The following KIF27 variants were observed in gnomAD, a reference collection of about 807,000 sequenced individuals.
The protein encoded by KIF27 is kinesin-like protein KIF27.
Under a neutral mutation model 141.8 loss-of-function variants are expected in KIF27, and 84 were observed. The ratio of observed to expected loss-of-function variants is 0.59; its 90% CI spans 0.50 to 0.71. The LOEUF is 0.71. Ranked by LOEUF, KIF27 falls within the 30% of genes least tolerant of loss-of-function variation. The probability of loss-of-function intolerance (pLI) is 0.00; values close to 1 mark genes in which losing one functional copy is unlikely to be tolerated. For missense variants in KIF27, 1,306 were observed against 1,628.4 expected (o/e 0.80, Z 3.41); for synonymous variants, 471 against 569.5 (o/e 0.83, Z 2.46).
chr9:83,903,277 C>A lies in KIF27; in HGVS notation c.1241G>T (p.Cys414Phe). 2.5e-6 allele frequency: 4 copies of A among 1,614,212 alleles called. No homozygotes were observed. Among genetic ancestry groups the A allele is most frequent in the Non-Finnish European group, 2.5e-6 (3 of 1,180,036 alleles). Residue 414 changes from cysteine (C) to phenylalanine (F), a missense_variant, in exon 4 of 18, where the codon TGT (cysteine) becomes TTT (phenylalanine). This residue lies in a region of KIF27 where 533 missense variants were observed against 565.6 expected (regional missense o/e 0.94). Coordinates refer to ENST00000297814, the MANE Select transcript of KIF27 (RefSeq NM_017576.4). Reference protein sequence around the residue: ...LQGECLGYQCCVEEAFTFLVD... With the variant: ...LQGECLGYQCFVEEAFTFLVD... ...CAGGAAGGTAAAGGCTTCTTCTACA[C>A]AACACTGGTAACCCAGACATTCTCC... is the stretch of plus-strand genomic sequence containing the variant.
At chr9:83,868,945 A>AT (rs1281225036) in intron 12 of KIF27, among the ~76,000 whole-genome samples, 1 of 152,126 alleles carries the variant, frequency 6.6e-6, no homozygotes, top group African/African-American at 2.4e-5. Flanking sequence ...AACTATAAAA[A>AT]TGTTAATTTT....
rs183923453 is a variant in KIF27 at position 83,860,325 on chromosome 9, G to A, written c.2935-954C>T. On this transcript the variant is annotated intron_variant, in intron 13 of 17. Coordinates refer to ENST00000297814, the MANE Select transcript of KIF27 (RefSeq NM_017576.4). ...ACGGCCACCTTCAACCTTTTCAGTT[G>A]GTTCTTCTGGTGTTTATGTCCATGT... 7.2e-5 allele frequency among the ~76,000 whole-genome samples: 11 copies of A among 152,158 alleles called. No individual in the cohort carries two copies. The East Asian group carries it at 2.1e-3, about 29-fold the overall frequency.
rs529481603 is a variant in KIF27 at position 83,853,712 on chromosome 9, G to A, written c.3274C>T (p.Arg1092Cys). Residue 1092 changes from arginine to cysteine, a missense_variant, in exon 15 of 18, where the codon CGT becomes TGT. Physicochemically the swap from Arg to Cys is radical, Grantham distance 180. This residue lies in a region of KIF27 where 596 missense variants were observed against 751.6 expected (regional missense o/e 0.79). Transcript: ENST00000297814. ...TTTTCCAAGACATTTGCTTCACCAC[G>A]AGAGAGGTTATGGAATGATGCTCTA... Reference protein sequence around the residue: ...SLRASFHNLSRGEANVLEKLA... With the variant: ...SLRASFHNLSCGEANVLEKLA... 95 of 1,613,758 alleles carry A rather than the reference G, an allele frequency of 5.9e-5. No individual in the cohort carries two copies. Among genetic ancestry groups the A allele is most frequent in the Non-Finnish European group, 6.8e-5 (80 of 1,179,714 alleles).
intron 4 of KIF27, among the ~76,000 whole-genome samples, chr9:83,901,361 T>C (rs542587114): frequency 3.9e-5 from 6 of 152,314 alleles, no homozygotes; most frequent in African/African-American, 1.4e-4. Context: ...TTTGGTATAA[T>C]AGGAAAGAAG....
chr9:83,904,578 C>T (rs1017611683), intron 3 of KIF27, among the ~76,000 whole-genome samples: 35 of 152,258 alleles, frequency 2.3e-4, no homozygotes, highest in African/African-American at 7.2e-4. Flanking sequence ...ACCACGTTGG[C>T]CAGGCTGGTC....
intron 12 of KIF27, among the ~76,000 whole-genome samples, chr9:83,870,280 C>T (rs887751291): frequency 1.3e-5 from 2 of 152,124 alleles, no homozygotes; most frequent in African/African-American, 4.8e-5. Context: ...GATTCTCCTG[C>T]CTCAGCCTCC....
chr9:83,861,673 T>C (rs1949931473), intron 13 of KIF27, among the ~76,000 whole-genome samples: 1 of 151,894 alleles, frequency 6.6e-6, no homozygotes, highest in Non-Finnish European at 1.5e-5. Context: ...GCATGATTTA[T>C]AATCCTTTGG....
At chr9:83,914,334 T>C (rs1439568215) in intron 2 of KIF27, among the ~76,000 whole-genome samples, 1 of 152,092 alleles carries the variant, frequency 6.6e-6, no homozygotes, top group African/African-American at 2.4e-5. Flanking sequence ...CTGCAGAATA[T>C]ACAGATTGTT....
chr9:83,895,581 T>C (rs1953123866), intron 5 of KIF27, among the ~76,000 whole-genome samples: 2 of 152,052 alleles, frequency 1.3e-5, no homozygotes, highest in Non-Finnish European at 2.9e-5. Context: ...AATAACTTTA[T>C]TGAGACAAAA....
At chr9:83,881,838 G>C (rs975914218) in intron 10 of KIF27, among the ~76,000 whole-genome samples, 2 of 152,132 alleles carry the variant, frequency 1.3e-5, no homozygotes, top group Non-Finnish European at 2.9e-5. Context: ...CATCCTGAAA[G>C]TCTTACTTAA....
intron 9 of KIF27, among the ~76,000 whole-genome samples, chr9:83,885,688 G>A (rs756674053): frequency 6.6e-6 from 1 of 152,146 alleles, no homozygotes; most frequent in African/African-American, 2.4e-5. Context: ...CTGGAATGCA[G>A]TGGTGCAATC....
intron 12 of KIF27, among the ~76,000 whole-genome samples, chr9:83,869,478 G>A (rs528293548): frequency 6.6e-6 from 1 of 152,298 alleles, no homozygotes. Flanking sequence ...GCTCACACCT[G>A]TAATCCCAGC....
rs182525868 is a variant in KIF27, at chr9:83,875,750, G to C, written c.2643+4547C>G. On this transcript the variant is annotated intron_variant, in intron 11 of 17. Transcript: ENST00000297814. ...AGTGCTGAACTGTGCTGGATGCACA[G>C]TATTAAGATAAGGACTTTAGTGACA... Among the ~76,000 whole-genome samples the C allele has an allele frequency of 2.4e-4, 37 of 152,332 alleles. 1 individual carries two copies. In the East Asian group the frequency reaches 6.9e-3, roughly 29 times the overall value.
At chr9:83,846,503 G>A (rs138446086) in intron 16 of KIF27, among the ~76,000 whole-genome samples, 27 of 152,314 alleles carry the variant, frequency 1.8e-4, no homozygotes, top group African/African-American at 6.3e-4. Context: ...TTGATGGAAC[G>A]GTGGAATGGC....
chr9:83,870,862 G>A (rs921169509), intron 11 of KIF27, among the ~76,000 whole-genome samples: 1 of 151,916 alleles, frequency 6.6e-6, no homozygotes, highest in Non-Finnish European at 1.5e-5. Flanking sequence ...AAAATGAGTA[G>A]ATGACAGTTG....
At position 83,880,382 on chromosome 9, in the gene KIF27, A is replaced by G; in HGVS notation, c.2558T>C (p.Ile853Thr). 2 of 1,605,880 alleles carry G rather than the reference A, an allele frequency of 1.2e-6. No individual in the cohort carries two copies. ...TTCTCGTAGTTTTCTTTGTAGCTGT[A>G]TCTTTTGATATTTCATGTGATCTAC... ...QSVDHMKYQK[I>T]QLQRKLREEN... The change falls in exon 11 of 18, where the codon ATA (isoleucine) becomes ACA (threonine). Residue 853 changes from isoleucine to threonine, a missense_variant. Ile to Thr is a moderately conservative substitution (Grantham distance 89). Coordinates refer to ENST00000297814, the MANE Select transcript of KIF27 (RefSeq NM_017576.4).
intron 13 of KIF27, among the ~76,000 whole-genome samples, chr9:83,865,586 C>T (rs901421117): frequency 2.6e-5 from 4 of 152,268 alleles, no homozygotes; most frequent in East Asian, 3.9e-4. Flanking sequence ...TGTGAGCCAC[C>T]GCGCCCTGCC....
chr9:83,845,554 C>A (rs1947161905), intron 16 of KIF27, among the ~76,000 whole-genome samples: 1 of 152,182 alleles, frequency 6.6e-6, no homozygotes, highest in African/African-American at 2.4e-5. Flanking sequence ...AGACTAGGGC[C>A]TGGTTCACAG....
rs147289061 is a variant in KIF27, at chr9:83,913,736, C to A, written c.298+1558G>T. On this transcript the variant is annotated intron_variant, in intron 2 of 17. Transcript: ENST00000297814. Reference sequence around the variant, plus strand: ...ACAGGCGTGAGCCACCACGCCTGGTCTGAAATGATATTTTACATTGTTAAA... The same window carrying A: ...ACAGGCGTGAGCCACCACGCCTGGTATGAAATGATATTTTACATTGTTAAA... 4.5e-3 allele frequency among the ~76,000 whole-genome samples: 680 copies of A among 152,260 alleles called. 17 individuals are homozygous for A. Among genetic ancestry groups the A allele is most frequent in the East Asian group, 0.041 (212 of 5,182 alleles).
Sources: gnomAD v4.1 joint callset for allele counts (sites outside exome capture counted in the v4.1 genomes callset) on GRCh38, gnomAD v4.1.1 for gene constraint, gnomAD v4.1.1 regional missense constraint, MANE v1.5 for transcripts, NCBI Gene and HGNC (gene_info 2026-07-23, HGNC 2026-07-21) for gene names.